Variants in SLC14A2 observed in about 807,000 individuals in gnomAD.
SLC14A2 encodes urea transporter 2.
A neutral mutation model predicts 104.6 loss-of-function variants in SLC14A2; 91 were observed. That is an observed-to-expected ratio of 0.87 (90% confidence interval 0.73 to 1.04). SLC14A2 has a LOEUF of 1.04. SLC14A2 is among the 50% of genes least tolerant of loss of function. SLC14A2 has a pLI of 0.00. For missense variants in SLC14A2, 1,189 were observed against 1,156.0 expected (o/e 1.03, Z -0.41); for synonymous variants, 476 against 466.4 (o/e 1.02, Z -0.27).
chr18:45,531,954 G>A (rs2043697394), intron 2 of SLC14A2, among the ~76,000 whole-genome samples: 1 of 152,258 alleles, frequency 6.6e-6, no homozygotes, highest in African/African-American at 2.4e-5. Flanking sequence ...TTATTAAATA[G>A]GGAATCCTTT....
At chr18:45,181,728 T>G in the SLC14A2 span, among the ~76,000 whole-genome samples, 1 of 152,210 alleles carries the variant, frequency 6.6e-6, no homozygotes, top group African/African-American at 2.4e-5. Context: ...AACAGATTTA[T>G]GTACCAATTA....
At chr18:45,240,120 C>T (rs1156622971) in intron 1 of SLC14A2, among the ~76,000 whole-genome samples, 6 of 117,732 alleles carry the variant, frequency 5.1e-5, no homozygotes, top group East Asian at 2.2e-4. Context: ...TTTTTTTGAC[C>T]GAGTCTCACT....
At chr18:45,497,308 T>C (rs1332575187) in intron 2 of SLC14A2, among the ~76,000 whole-genome samples, 2 of 152,218 alleles carry the variant, frequency 1.3e-5, no homozygotes, top group Non-Finnish European at 2.9e-5. Flanking sequence ...AACCGTGTAT[T>C]GATCCCCTTC....
chr18:45,555,754 T>G (rs2044124159), intron 2 of SLC14A2, among the ~76,000 whole-genome samples: 1 of 152,182 alleles, frequency 6.6e-6, no homozygotes, highest in East Asian at 1.9e-4. Flanking sequence ...TGTTCCCTCA[T>G]GGAGACAGAT....
In SLC14A2 at chr18:45,665,890, C is replaced by T. The variant is rs368983637; in HGVS notation, c.1475-247C>T. Reference sequence around the variant, plus strand: ...TGGAATCTCTGAGCTCCCTAAATTCCTTGTAAAATGCCCTGTTTATATGAA... The same window carrying T: ...TGGAATCTCTGAGCTCCCTAAATTCTTTGTAAAATGCCCTGTTTATATGAA... On this transcript the variant is annotated intron_variant, in intron 11 of 19. Transcript: ENST00000255226. Among the ~76,000 whole-genome samples the T allele has an allele frequency of 5.0e-4, 76 of 152,028 alleles. No homozygotes were observed. The South Asian group carries it at 7.1e-3, about 14-fold the overall frequency.
intron 1 of SLC14A2, among the ~76,000 whole-genome samples, chr18:45,234,148 C>T (rs1052895676): frequency 5.9e-5 from 9 of 152,228 alleles, no homozygotes; most frequent in Non-Finnish European, 1.2e-4. Flanking sequence ...ACCTGCCCAG[C>T]ACCAGAAGAT....
At chr18:45,682,213 C>A (rs1047528457) in intron 19 of SLC14A2, 106 bp from the exon 20 acceptor site, 2 of 956,106 alleles carry the variant, frequency 2.1e-6, no homozygotes, top group African/African-American at 1.6e-5. Context: ...TCAATGCCCT[C>A]AAAGCAGTCC....
chr18:45,336,996 G>GTT (rs796526413), intron 1 of SLC14A2, among the ~76,000 whole-genome samples: 1 of 144,708 alleles, frequency 6.9e-6, no homozygotes, highest in African/African-American at 2.5e-5. Flanking sequence ...TTATAGCCTA[G>GTT]TTTTTTTTTT....
chr18:45,589,538 T>A lies in SLC14A2; in HGVS notation c.-34-35093T>A, dbSNP rs1305698010. Among the ~76,000 whole-genome samples the A allele has an allele frequency of 2.0e-5, 3 of 152,148 alleles. No individual in the cohort carries two copies. The East Asian group carries it at 5.8e-4, about 29-fold the overall frequency. On this transcript the variant is annotated intron_variant, in intron 2 of 20. Transcript: ENST00000586448. ...GCACCACCCTCCCCACTCCCCTTTT[T>A]TTATTTGGATAAGGCAAGAGAAAAG...
intron 1 of SLC14A2, among the ~76,000 whole-genome samples, chr18:45,474,124 T>G: frequency 6.6e-6 from 1 of 152,226 alleles, no homozygotes; most frequent in East Asian, 1.9e-4. Context: ...TTTCTGCATC[T>G]GTTGAGATAA....
chr18:45,195,040 C>T, the SLC14A2 span, among the ~76,000 whole-genome samples: 1 of 152,196 alleles, frequency 6.6e-6, no homozygotes, highest in Non-Finnish European at 1.5e-5. Context: ...TTTCACCGCA[C>T]TTCCATAAAG....
intron 1 of SLC14A2, among the ~76,000 whole-genome samples, chr18:45,379,017 A>G (rs762771807): frequency 2.6e-4 from 39 of 152,372 alleles, no homozygotes; most frequent in Middle Eastern, 3.4e-3. Flanking sequence ...AAAACACAAC[A>G]TAGAAAAGTG....
intron 1 of SLC14A2, among the ~76,000 whole-genome samples, chr18:45,310,959 A>G (rs937769499): frequency 3.3e-5 from 5 of 152,176 alleles, no homozygotes; most frequent in African/African-American, 1.2e-4. Context: ...GGCCTGGGAC[A>G]ATGGCTACTA....
chr18:45,225,180 G>A (rs1419584708), intron 1 of SLC14A2, among the ~76,000 whole-genome samples: 1 of 152,088 alleles, frequency 6.6e-6, no homozygotes, highest in African/African-American at 2.4e-5. Context: ...AAGGTGTAAG[G>A]AAGGGATCCA....
chr18:45,204,525 G>C, the SLC14A2 span, among the ~76,000 whole-genome samples: 1 of 152,246 alleles, frequency 6.6e-6, no homozygotes, highest in African/African-American at 2.4e-5. Context: ...TGGGTTTAAA[G>C]TCAATGATGG....
the SLC14A2 span, among the ~76,000 whole-genome samples, chr18:45,188,884 G>A: frequency 6.6e-6 from 1 of 152,226 alleles, no homozygotes; most frequent in Non-Finnish European, 1.5e-5. Context: ...AAAAGGCAAG[G>A]TTGGAAATAA....
chr18:45,334,791 G>A (rs1837161064), intron 1 of SLC14A2, among the ~76,000 whole-genome samples: 1 of 152,178 alleles, frequency 6.6e-6, no homozygotes. Flanking sequence ...TAGGTGAATG[G>A]TGACTGTGAT....
At chr18:45,250,608 T>C (rs1469170599) in intron 1 of SLC14A2, among the ~76,000 whole-genome samples, 2 of 152,142 alleles carry the variant, frequency 1.3e-5, no homozygotes, top group Non-Finnish European at 1.5e-5. Context: ...GAGCTCTATC[T>C]GGGGATGGGT....
chr18:45,537,371 G>T (rs114892523), intron 2 of SLC14A2, among the ~76,000 whole-genome samples: 22 of 152,282 alleles, frequency 1.4e-4, no homozygotes, highest in African/African-American at 5.1e-4. Context: ...TATCAAGATA[G>T]ACTTCAGGTT....
Sources: gnomAD v4.1 joint callset for allele counts (sites outside exome capture counted in the v4.1 genomes callset) on GRCh38, gnomAD v4.1.1 for gene constraint, MANE v1.5 for transcripts, NCBI Gene and HGNC (gene_info 2026-07-23, HGNC 2026-07-21) for gene names.